Variants in GRB14 observed in about 807,000 individuals in gnomAD.
GRB14 encodes growth factor receptor-bound protein 14.
Under a neutral mutation model 69.1 loss-of-function variants are expected in GRB14, and 38 were observed. The observed-to-expected ratio is 0.55, with a 90% CI of 0.42 to 0.72. The LOEUF (loss-of-function observed/expected upper bound fraction) is 0.72. Among genes scored for constraint, GRB14 ranks in the 30% least tolerant of loss-of-function variants. GRB14 has a pLI of 0.00. For missense variants in GRB14, 666 were observed against 666.1 expected (o/e 1.00, Z 0.00); for synonymous variants, 247 against 241.3 (o/e 1.02, Z -0.22).
At position 164,534,557 on chromosome 2, in the gene GRB14, C is replaced by A. The variant is rs149803174; in HGVS notation, c.482-7422G>T. ...AAAGGAGGTGAAATGTTGCTGAAGACCAACTTTCTCTTGCCTTGGTCTAGC... is the reference window on the plus strand; with the variant it reads ...AAAGGAGGTGAAATGTTGCTGAAGAACAACTTTCTCTTGCCTTGGTCTAGC... On this transcript the variant is annotated intron_variant, in intron 3 of 13. Coordinates refer to ENST00000263915, the MANE Select transcript of GRB14 (RefSeq NM_004490.3). 3.7e-3 allele frequency among the ~76,000 whole-genome samples: 565 copies of A among 152,132 alleles called. 4 individuals are homozygous for A. Among genetic ancestry groups the A allele is most frequent in the Middle Eastern group, 6.8e-3 (2 of 294 alleles).
At chr2:164,568,273 G>T in intron 2 of GRB14, 1 of 1,212,246 alleles carries the variant, frequency 8.2e-7, no homozygotes, top group Non-Finnish European at 1.1e-6. Context: ...AAAAAAAGCA[G>T]CAAGAAAAAT....
At chr2:164,517,981 G>GA (rs919384100) in intron 6 of GRB14, among the ~76,000 whole-genome samples, 41 of 152,220 alleles carry the variant, frequency 2.7e-4, no homozygotes, top group Middle Eastern at 3.4e-3. Flanking sequence ...GGTCAACAAA[G>GA]AAACAGTGGA....
intron 2 of GRB14, among the ~76,000 whole-genome samples, chr2:164,576,097 A>G (rs926429963): frequency 3.3e-5 from 5 of 152,156 alleles, no homozygotes; most frequent in Non-Finnish European, 7.4e-5. Context: ...GGAAGAAAGG[A>G]GCAAGGAAGA....
intron 2 of GRB14, chr2:164,574,043 T>C (rs1420409317): frequency 4.9e-6 from 6 of 1,229,114 alleles, no homozygotes; most frequent in Non-Finnish European, 6.0e-6. Context: ...CAGCAATAAA[T>C]ATGTAGCCTA....
intron 2 of GRB14, among the ~76,000 whole-genome samples, chr2:164,588,663 T>G (rs1341834205): frequency 1.3e-5 from 2 of 152,212 alleles, no homozygotes; most frequent in African/African-American, 4.8e-5. Flanking sequence ...TCAAAAGTGA[T>G]TGTCTCAGAA....
At chr2:164,534,893 A>AT (rs1688040507) in intron 3 of GRB14, among the ~76,000 whole-genome samples, 3 of 152,194 alleles carry the variant, frequency 2.0e-5, no homozygotes, top group Non-Finnish European at 4.4e-5. Flanking sequence ...CTTTATTTTT[A>AT]AAACTTTATA....
At chr2:164,496,954 C>A in intron 12 of GRB14, 54 bp downstream of exon 12, 1 of 1,357,620 alleles carries the variant, frequency 7.4e-7, no homozygotes, top group Non-Finnish European at 1.1e-6. Context: ...ATAATTTCTG[C>A]TTATAGGAGA....
chr2:164,588,533 T>G (rs764348624), intron 2 of GRB14, among the ~76,000 whole-genome samples: 2 of 150,582 alleles, frequency 1.3e-5, no homozygotes, highest in African/African-American at 5.0e-5. Context: ...ACCGTAACTA[T>G]AGGAAAATAT....
intron 2 of GRB14, among the ~76,000 whole-genome samples, chr2:164,584,147 A>ATTTGTTTT: frequency 2.0e-5 from 1 of 49,896 alleles, no homozygotes; most frequent in Non-Finnish European, 3.4e-5. Flanking sequence ...CAGCCTGGCT[A>ATTTGTTTT]TTTTTTTTTT....
chr2:164,576,754 A>G (rs183220188), intron 2 of GRB14, among the ~76,000 whole-genome samples: 1 of 151,974 alleles, frequency 6.6e-6, no homozygotes, highest in East Asian at 1.9e-4. Context: ...AATTTTAAAA[A>G]AATTATTAAA....
At chr2:164,539,192 C>T (rs558692423) in intron 3 of GRB14, among the ~76,000 whole-genome samples, 6 of 152,086 alleles carry the variant, frequency 3.9e-5, no homozygotes, top group South Asian at 4.2e-4. Context: ...ATACTAATAA[C>T]GGTCGGGCGT....
At chr2:164,589,903 GT>G (rs1321690609) in intron 2 of GRB14, among the ~76,000 whole-genome samples, 1 of 152,136 alleles carries the variant, frequency 6.6e-6, no homozygotes, top group Non-Finnish European at 1.5e-5. Context: ...GCATTGTCGA[GT>G]TCTGGTGAGA....
chr2:164,550,717 A>G (rs1015269637), intron 2 of GRB14, among the ~76,000 whole-genome samples: 1 of 152,124 alleles, frequency 6.6e-6, no homozygotes, highest in African/African-American at 2.4e-5. Flanking sequence ...TGACCTAAAC[A>G]TCCAACAATA....
chr2:164,618,177 G>C (rs1004051657), intron 2 of GRB14, among the ~76,000 whole-genome samples: 1 of 152,042 alleles, frequency 6.6e-6, no homozygotes, highest in Non-Finnish European at 1.5e-5. Flanking sequence ...ATGTTGGACA[G>C]GATGGTCTCA....
At chr2:164,577,344 T>A (rs1199828054) in intron 2 of GRB14, among the ~76,000 whole-genome samples, 1 of 152,202 alleles carries the variant, frequency 6.6e-6, no homozygotes, top group Non-Finnish European at 1.5e-5. Flanking sequence ...CCCACCCAAT[T>A]CTCATGTTGA....
chr2:164,496,091 C>A (rs973008437), intron 12 of GRB14, among the ~76,000 whole-genome samples: 1 of 152,186 alleles, frequency 6.6e-6, no homozygotes, highest in African/African-American at 2.4e-5. Flanking sequence ...TATTTACAGT[C>A]TGGGGAAATG....
At chr2:164,496,051 T>C (rs1317182598) in intron 12 of GRB14, among the ~76,000 whole-genome samples, 2 of 152,170 alleles carry the variant, frequency 1.3e-5, no homozygotes, top group Non-Finnish European at 2.9e-5. Context: ...AAAGACTGCA[T>C]TCCATGCAAA....
chr2:164,587,404 G>C (rs115034641), intron 2 of GRB14, among the ~76,000 whole-genome samples: 1 of 152,128 alleles, frequency 6.6e-6, no homozygotes, highest in South Asian at 2.1e-4. Flanking sequence ...GAATTACTTT[G>C]TTCAAGATAG....
intron 2 of GRB14, among the ~76,000 whole-genome samples, chr2:164,587,474 G>A (rs72874854): frequency 0.024 from 3,692 of 152,194 alleles, 89 homozygotes; most frequent in East Asian, 0.12. Context: ...GCAGTTTATT[G>A]GAACAATGTA....
Sources: allele counts gnomAD v4.1 joint callset (sites outside exome capture counted in the v4.1 genomes callset), GRCh38; gene constraint gnomAD v4.1.1; transcripts MANE v1.5; gene names NCBI Gene and HGNC (gene_info 2026-07-23, HGNC 2026-07-21).